Variants in CSMD2 observed in about 807,000 individuals in gnomAD.
CSMD2 encodes CUB and Sushi multiple domains 2, also known as CUB and sushi domain-containing protein 2.
A neutral mutation model predicts 398.5 loss-of-function variants in CSMD2; 130 were observed. The observed-to-expected ratio is 0.33, with a 90% CI of 0.28 to 0.38. The LOEUF is 0.38. Among genes scored for constraint, CSMD2 ranks in the 10% least tolerant of loss-of-function variants. The pLI is 1.00. For synonymous variants in CSMD2, 1,828 were observed against 1,908.5 expected (o/e 0.96, Z 1.10); for missense variants, 3,829 against 4,764.9 (o/e 0.80, Z 5.78).
At chr1:33,612,451 T>C (rs1641070377) in intron 40 of CSMD2, among the ~76,000 whole-genome samples, 1 of 152,222 alleles carries the variant, frequency 6.6e-6, no homozygotes, top group Non-Finnish European at 1.5e-5. Flanking sequence ...TTCTTAAATA[T>C]GTATCTGGGT....
intron 7 of CSMD2, among the ~76,000 whole-genome samples, chr1:33,821,776 G>A (rs1437834129): frequency 1.3e-5 from 2 of 152,210 alleles, no homozygotes; most frequent in Non-Finnish European, 2.9e-5. Context: ...GAAGCGGACT[G>A]TGGGACCACA....
At chr1:34,099,581 G>A (rs1360806073) in intron 1 of CSMD2, among the ~76,000 whole-genome samples, 1 of 152,192 alleles carries the variant, frequency 6.6e-6, no homozygotes, top group Non-Finnish European at 1.5e-5. Context: ...AAGTGAAGGA[G>A]TTCAGAACAG....
chr1:33,677,198 G>C (rs1227208665), intron 25 of CSMD2, among the ~76,000 whole-genome samples: 3 of 151,992 alleles, frequency 2.0e-5, no homozygotes, highest in South Asian at 2.1e-4. Flanking sequence ...AGAAAATTTT[G>C]GCAACCTACT....
chr1:34,026,151 T>G (rs565020798), intron 3 of CSMD2, among the ~76,000 whole-genome samples: 1 of 152,234 alleles, frequency 6.6e-6, no homozygotes, highest in African/African-American at 2.4e-5. Flanking sequence ...ATTATTCTTA[T>G]CCTGATTTTA....
chr1:33,603,673 AAC>A (rs1158983834), intron 42 of CSMD2, among the ~76,000 whole-genome samples: 3 of 152,234 alleles, frequency 2.0e-5, no homozygotes, highest in Non-Finnish European at 4.4e-5. Context: ...GACACAGCCA[AAC>A]ACACCAGCAT....
intron 1 of CSMD2, among the ~76,000 whole-genome samples, chr1:34,097,632 C>T (rs1274542952): frequency 2.0e-4 from 21 of 102,656 alleles, no homozygotes; most frequent in African/African-American, 5.6e-4. Flanking sequence ...CAAAAGAAGA[C>T]ATTTATGCAG....
intron 25 of CSMD2, among the ~76,000 whole-genome samples, chr1:33,682,400 A>G (rs12410647): frequency 0.17 from 25,181 of 152,222 alleles, 2,489 homozygotes; most frequent in Admixed American, 0.25. Context: ...GGGGGCCACC[A>G]TTCAACCTAC....
chr1:33,820,161 T>C (rs910426121), intron 8 of CSMD2, among the ~76,000 whole-genome samples: 2 of 152,152 alleles, frequency 1.3e-5, no homozygotes, highest in Non-Finnish European at 2.9e-5. Flanking sequence ...GTCTCCTAGA[T>C]TATTGCAGGC....
chr1:33,771,795 A>T (rs1266594381), intron 13 of CSMD2, among the ~76,000 whole-genome samples: 1 of 152,228 alleles, frequency 6.6e-6, no homozygotes, highest in Non-Finnish European at 1.5e-5. Context: ...GAGATGGAGA[A>T]GGTGGAGTGA....
At chr1:33,704,906 G>A (rs1447744239) in intron 22 of CSMD2, among the ~76,000 whole-genome samples, 2 of 150,386 alleles carry the variant, frequency 1.3e-5, no homozygotes, top group African/African-American at 4.9e-5. Flanking sequence ...GGGACTACAG[G>A]CACCCGCCAT....
At chr1:33,846,827 C>T in intron 6 of CSMD2, 57 bp downstream of exon 6, 1 of 1,145,816 alleles carries the variant, frequency 8.7e-7, no homozygotes. Context: ...GATGAGCCCT[C>T]CAGGTGTCAT....
At chr1:34,049,003 T>C (rs1435608316) in intron 2 of CSMD2, among the ~76,000 whole-genome samples, 1 of 152,136 alleles carries the variant, frequency 6.6e-6, no homozygotes, top group East Asian at 1.9e-4. Context: ...CCATGGTTCC[T>C]TCTCCAGAAG....
Position 33,714,677 on chromosome 1 carries a change from A to C in CSMD2, c.3316T>G (p.Phe1106Val). 1 of 1,614,028 alleles carries C rather than the reference A, an allele frequency of 6.2e-7. No homozygotes were observed. Among genetic ancestry groups the C allele is most frequent in the African/African-American group, 1.3e-5 (1 of 75,080 alleles). The change falls in exon 21 of 71, where the codon TTC becomes GTC. Residue 1106 changes from phenylalanine to valine, a missense_variant. Phe to Val is a conservative substitution (Grantham distance 50). Coordinates refer to ENST00000373381, the MANE Select transcript of CSMD2 (RefSeq NM_001281956.2). ...GTGCCCTCCAGACGGTACCCGGGGA[A>C]GCAGGAGAAGGTCAAGGTGTCGCCC... is the stretch of plus-strand genomic sequence containing the variant. ...GVGDTLTFSC[F>V]PGYRLEGTAR...
At chr1:34,083,172 G>A (rs375145507) in intron 2 of CSMD2, among the ~76,000 whole-genome samples, 1 of 151,892 alleles carries the variant, frequency 6.6e-6, no homozygotes, top group East Asian at 1.9e-4. Flanking sequence ...AGAGAAGTGA[G>A]GTGGTATTTG....
chr1:33,564,780 T>C (rs549088350), intron 53 of CSMD2, among the ~76,000 whole-genome samples: 11 of 151,666 alleles, frequency 7.3e-5, no homozygotes, highest in African/African-American at 2.7e-4. Flanking sequence ...TTCTCATTAT[T>C]TTATGGCCCC....
chr1:33,677,755 A>G (rs1375404046), intron 25 of CSMD2, among the ~76,000 whole-genome samples: 1 of 152,002 alleles, frequency 6.6e-6, no homozygotes, highest in Non-Finnish European at 1.5e-5. Flanking sequence ...TGGCACATAT[A>G]CACCATGGAA....
intron 44 of CSMD2, among the ~76,000 whole-genome samples, chr1:33,596,315 C>G (rs1180318284): frequency 6.6e-6 from 1 of 152,082 alleles, no homozygotes; most frequent in African/African-American, 2.4e-5. Flanking sequence ...CTCTGACACC[C>G]TGTGCCAGCT....
chr1:33,816,248 C>T (rs975141280), intron 9 of CSMD2, among the ~76,000 whole-genome samples: 1 of 152,144 alleles, frequency 6.6e-6, no homozygotes, highest in Admixed American at 6.5e-5. Context: ...ATATAAGTTC[C>T]TGTTAATTAT....
At chr1:33,848,194 G>C (rs1326811272) in intron 5 of CSMD2, among the ~76,000 whole-genome samples, 2 of 152,226 alleles carry the variant, frequency 1.3e-5, no homozygotes, top group Non-Finnish European at 2.9e-5. Context: ...CCCGGGAGGG[G>C]CAGTATCCTG....
Sources: gnomAD v4.1 joint callset for allele counts (sites outside exome capture counted in the v4.1 genomes callset) on GRCh38, gnomAD v4.1.1 for gene constraint, MANE v1.5 for transcripts, NCBI Gene and HGNC (gene_info 2026-07-23, HGNC 2026-07-21) for gene names.